ROBO1: variants seen among roughly 807,000 people sequenced by gnomAD.
The protein encoded by ROBO1 is roundabout guidance receptor 1.
A neutral mutation model predicts 195.9 loss-of-function variants in ROBO1; 149 were observed. The observed-to-expected ratio is 0.76, with a 90% CI of 0.67 to 0.87. The LOEUF (loss-of-function observed/expected upper bound fraction) is 0.87. Ranked by LOEUF, ROBO1 falls within the 40% of genes least tolerant of loss-of-function variation. The pLI, the probability that ROBO1 is intolerant of heterozygous loss-of-function variation, is 0.00. For synonymous variants in ROBO1, 816 were observed against 733.2 expected (o/e 1.11, Z -1.82); for missense variants, 1,933 against 2,068.3 (o/e 0.93, Z 1.27).
rs528515575 is a variant in ROBO1, at chr3:79,490,798, C to T, written c.88+99026G>A. On this transcript the variant is annotated intron_variant, in intron 2 of 30. Coordinates refer to ENST00000464233, the MANE Select transcript of ROBO1 (RefSeq NM_002941.4). ...TGCATATTTGCATTCCTAGCTGAGACTCTTTTATTCAGAGACCTCTTTATC... is the reference window on the plus strand; with the variant it reads ...TGCATATTTGCATTCCTAGCTGAGATTCTTTTATTCAGAGACCTCTTTATC... Among the ~76,000 whole-genome samples the T allele has an allele frequency of 9.9e-5, 15 of 152,262 alleles. No homozygotes were observed. In the South Asian group the frequency reaches 1.0e-3, roughly 11 times the overall value.
intron 4 of ROBO1, among the ~76,000 whole-genome samples, chr3:78,839,457 A>T (rs186810476): frequency 1.6e-3 from 237 of 151,668 alleles, no homozygotes; most frequent in Non-Finnish European, 3.0e-3. Flanking sequence ...TTACTATGAA[A>T]TTTTTTTCAT....
chr3:78,832,508 T>C (rs1041046481), intron 4 of ROBO1, among the ~76,000 whole-genome samples: 1 of 152,136 alleles, frequency 6.6e-6, no homozygotes, highest in Non-Finnish European at 1.5e-5. Flanking sequence ...ACAGTGATGC[T>C]TGAGGATAAC....
chr3:79,755,412 G>A (rs1704333713), intron 1 of ROBO1, among the ~76,000 whole-genome samples: 1 of 151,906 alleles, frequency 6.6e-6, no homozygotes, highest in Non-Finnish European at 1.5e-5. Flanking sequence ...TTACTCTTCT[G>A]AAAACAAAAA....
chr3:79,297,355 C>T (rs550722059), intron 2 of ROBO1, among the ~76,000 whole-genome samples: 1 of 152,270 alleles, frequency 6.6e-6, no homozygotes, highest in African/African-American at 2.4e-5. Flanking sequence ...TTCTCTACCA[C>T]CATGATTCAC....
At chr3:79,433,286 T>G (rs1177658290) in intron 2 of ROBO1, among the ~76,000 whole-genome samples, 1 of 152,196 alleles carries the variant, frequency 6.6e-6, no homozygotes, top group African/African-American at 2.4e-5. Context: ...GGTATTTGGT[T>G]TTATGTTCCT....
At chr3:79,160,081 C>G (rs2080928806) in intron 2 of ROBO1, among the ~76,000 whole-genome samples, 1 of 151,974 alleles carries the variant, frequency 6.6e-6, no homozygotes, top group Admixed American at 6.6e-5. Context: ...GCAAAATATT[C>G]CACTTGAGTT....
At chr3:79,596,292 C>A (rs2107843636) in intron 1 of ROBO1, among the ~76,000 whole-genome samples, 2 of 152,094 alleles carry the variant, frequency 1.3e-5, no homozygotes, top group Admixed American at 1.3e-4. Flanking sequence ...AATAAATATA[C>A]TATCTTCATG....
At chr3:79,619,248 C>G (rs1382700766) in intron 1 of ROBO1, among the ~76,000 whole-genome samples, 3 of 152,134 alleles carry the variant, frequency 2.0e-5, no homozygotes, top group Admixed American at 2.0e-4. Context: ...ACATTACAGC[C>G]CAGGGCTGCT....
rs1006634144 is a variant in ROBO1 at position 79,104,251 on chromosome 3, A to T, written c.172+21205T>A. Among the ~76,000 whole-genome samples the T allele has an allele frequency of 4.6e-5, 7 of 151,980 alleles. No homozygotes were observed. The South Asian group carries it at 8.3e-4, about 18-fold the overall frequency. On this transcript the variant is annotated intron_variant, in intron 3 of 30. Transcript: ENST00000464233. ...TCATAGTCGTGTTACTACACAGATT[A>T]TGTAATAGGCAATTTAAAAATGTGT... is the stretch of plus-strand genomic sequence containing the variant.
intron 2 of ROBO1, among the ~76,000 whole-genome samples, chr3:79,499,757 C>T (rs1445901400): frequency 2.0e-5 from 3 of 152,144 alleles, no homozygotes; most frequent in Non-Finnish European, 4.4e-5. Flanking sequence ...ACCAGTATCT[C>T]CCGAGATTGG....
intron 4 of ROBO1, among the ~76,000 whole-genome samples, chr3:78,763,752 T>G (rs1301800050): frequency 6.6e-6 from 1 of 152,204 alleles, no homozygotes; most frequent in Non-Finnish European, 1.5e-5. Flanking sequence ...AAGCCTTTAC[T>G]CCACAAGAAC....
chr3:78,994,782 T>A (rs1453179563), intron 3 of ROBO1, among the ~76,000 whole-genome samples: 1 of 152,208 alleles, frequency 6.6e-6, no homozygotes, highest in African/African-American at 2.4e-5. Flanking sequence ...TAACCTGACT[T>A]GTAACAATAT....
rs139079380 is a variant in ROBO1 at position 79,693,522 on chromosome 3, G to A, written c.-51+74230C>T. On this transcript the variant is annotated intron_variant, in intron 1 of 30. Transcript: ENST00000464233. ...CACGATCATAGCTCACTGTAACCTT[G>A]AACTCTTGGGCTGAAGCAATCCTCC... 5.8e-3 allele frequency among the ~76,000 whole-genome samples: 880 copies of A among 151,562 alleles called. 14 individuals are homozygous for A. Among genetic ancestry groups the A allele is most frequent in the African/African-American group, 0.018 (751 of 41,342 alleles).
intron 1 of ROBO1, among the ~76,000 whole-genome samples, chr3:79,656,769 T>C (rs1410213411): frequency 6.6e-6 from 1 of 151,894 alleles, no homozygotes; most frequent in Non-Finnish European, 1.5e-5. Context: ...TGGTGGCACA[T>C]GCCTGTAGTC....
At chr3:78,693,499 A>G (rs1302233572) in intron 8 of ROBO1, 1 of 646,970 alleles carries the variant, frequency 1.5e-6, no homozygotes, top group South Asian at 1.9e-5. Context: ...TATGGCTCAC[A>G]CTGTACATGG....
intron 3 of ROBO1, among the ~76,000 whole-genome samples, chr3:79,031,154 A>C (rs932260581): frequency 2.0e-5 from 3 of 152,224 alleles, no homozygotes; most frequent in African/African-American, 7.2e-5. Flanking sequence ...GAGTTAATCA[A>C]AACATTTATA....
At chr3:79,250,642 T>C (rs1184160180) in intron 2 of ROBO1, among the ~76,000 whole-genome samples, 1 of 152,140 alleles carries the variant, frequency 6.6e-6, no homozygotes, top group Non-Finnish European at 1.5e-5. Flanking sequence ...ACAATGATTA[T>C]ATTGGCAAAA....
At chr3:79,716,174 T>C (rs542827303) in intron 1 of ROBO1, among the ~76,000 whole-genome samples, 3 of 152,130 alleles carry the variant, frequency 2.0e-5, no homozygotes, top group Middle Eastern at 3.4e-3. Context: ...ATTAGATTAT[T>C]ATTATATCTG....
At chr3:79,646,747 T>A (rs1448934362) in intron 1 of ROBO1, among the ~76,000 whole-genome samples, 2 of 152,072 alleles carry the variant, frequency 1.3e-5, no homozygotes, top group Non-Finnish European at 2.9e-5. Flanking sequence ...ATGAAATTCT[T>A]TCATTCACAG....
Sources: allele counts gnomAD v4.1 joint callset (sites outside exome capture counted in the v4.1 genomes callset), GRCh38; gene constraint gnomAD v4.1.1; transcripts MANE v1.5; gene names NCBI Gene and HGNC (gene_info 2026-07-23, HGNC 2026-07-21).